The following UNC13C variants were observed in gnomAD, a reference collection of about 807,000 sequenced individuals.
UNC13C encodes the protein protein unc-13 homolog C.
A neutral mutation model predicts 245.4 loss-of-function variants in UNC13C; 174 were observed. That is an observed-to-expected ratio of 0.71 (90% CI 0.63 to 0.80). UNC13C has a LOEUF of 0.80. Ranked by LOEUF, UNC13C falls within the 30% of genes least tolerant of loss-of-function variation. The pLI, the probability that UNC13C is intolerant of heterozygous loss-of-function variation, is 0.00. For synonymous variants in UNC13C, 992 were observed against 895.1 expected, an observed-to-expected ratio of 1.11 and a Z score of -1.93; for missense variants, 2,829 against 2,602.9, an observed-to-expected ratio of 1.09 and a Z score of -1.89.
chr15:54,307,357 C>A (rs1301101974), intron 13 of UNC13C, among the ~76,000 whole-genome samples: 1 of 151,870 alleles, frequency 6.6e-6, no homozygotes, highest in Non-Finnish European at 1.5e-5. Context: ...TTTTATAAGA[C>A]AACTAAAATC....
At chr15:54,142,659 A>C (rs1222747958) in intron 2 of UNC13C, among the ~76,000 whole-genome samples, 2 of 152,206 alleles carry the variant, frequency 1.3e-5, no homozygotes, top group Non-Finnish European at 2.9e-5. Context: ...AGTTGGATCT[A>C]GGCTCTTGAC....
At chr15:53,970,618 G>A in the UNC13C span, among the ~76,000 whole-genome samples, 2 of 152,016 alleles carry the variant, frequency 1.3e-5, no homozygotes, top group East Asian at 3.9e-4. Context: ...TTATAAGTGG[G>A]AGCTGAACGA....
At chr15:54,490,040 A>G (rs1893624549) in intron 19 of UNC13C, among the ~76,000 whole-genome samples, 1 of 152,216 alleles carries the variant, frequency 6.6e-6, no homozygotes, top group Non-Finnish European at 1.5e-5. Flanking sequence ...CACGGAGAAC[A>G]ATAAATATCA....
chr15:54,344,650 C>T (rs1352141025), intron 17 of UNC13C, among the ~76,000 whole-genome samples: 2 of 152,134 alleles, frequency 1.3e-5, no homozygotes, highest in African/African-American at 4.8e-5. Context: ...AGGAATACTT[C>T]ATATGATTAA....
chr15:54,383,644 A>C (rs537915274), intron 17 of UNC13C, among the ~76,000 whole-genome samples: 1 of 152,310 alleles, frequency 6.6e-6, no homozygotes, highest in South Asian at 2.1e-4. Flanking sequence ...ACTCCTATGC[A>C]ACATGGTGCT....
chr15:54,333,707 A>C (rs759788249), intron 15 of UNC13C, 60 bp from the exon 16 acceptor site: 12 of 1,109,060 alleles, frequency 1.1e-5, no homozygotes, highest in Non-Finnish European at 1.6e-5. Context: ...GTTTTAGTTT[A>C]TTTTCCCACT....
At chr15:54,016,046 C>G (rs1895641923) in intron 2 of UNC13C, among the ~76,000 whole-genome samples, 160 bp downstream of exon 2, 1 of 152,150 alleles carries the variant, frequency 6.6e-6, no homozygotes, top group Admixed American at 6.5e-5. Flanking sequence ...AGGCAGCTCT[C>G]CTAAGAAGTT....
chr15:54,203,964 C>T (rs1270988177), intron 4 of UNC13C, among the ~76,000 whole-genome samples: 2 of 150,804 alleles, frequency 1.3e-5, no homozygotes, highest in South Asian at 4.2e-4. Flanking sequence ...GCTACTCAGT[C>T]ATAAAAAGGA....
chr15:53,890,140 C>CTTTT, the UNC13C span, among the ~76,000 whole-genome samples: 8 of 145,268 alleles, frequency 5.5e-5, no homozygotes, highest in Admixed American at 1.4e-4. Flanking sequence ...ACCAGCGCCT[C>CTTTT]TTTTTTTTTT....
chr15:54,568,370 G>T (rs187437391), intron 30 of UNC13C, among the ~76,000 whole-genome samples: 373 of 152,102 alleles, frequency 2.5e-3, no homozygotes, highest in African/African-American at 8.3e-3. Context: ...CCTGTGCTCT[G>T]GGGTTTCCAT....
the UNC13C span, chr15:53,972,808 A>T: frequency 6.6e-6 from 1 of 152,160 alleles, no homozygotes; most frequent in Non-Finnish European, 1.5e-5. Flanking sequence ...AAAGGAAGTC[A>T]TTGTTGTTTT....
At chr15:54,345,052 A>C (rs1030999483) in intron 17 of UNC13C, among the ~76,000 whole-genome samples, 2 of 152,170 alleles carry the variant, frequency 1.3e-5, no homozygotes, top group African/African-American at 2.4e-5. Flanking sequence ...AAAACTCCAC[A>C]TGATCTGGCC....
intron 17 of UNC13C, among the ~76,000 whole-genome samples, chr15:54,344,460 A>T (rs901550665): frequency 2.6e-5 from 4 of 152,226 alleles, no homozygotes; most frequent in African/African-American, 7.2e-5. Context: ...TTTTAGGTAG[A>T]TAGATCTTAG....
intron 11 of UNC13C, among the ~76,000 whole-genome samples, chr15:54,295,839 C>A (rs985843394): frequency 1.2e-4 from 18 of 152,130 alleles, no homozygotes; most frequent in African/African-American, 4.3e-4. Context: ...TCTTTACCTA[C>A]CCACCCTCAG....
intron 29 of UNC13C, among the ~76,000 whole-genome samples, chr15:54,556,735 G>C (rs1280690110): frequency 1.1e-4 from 7 of 66,642 alleles, no homozygotes; most frequent in African/African-American, 5.3e-4. Context: ...CTTTATAAAA[G>C]GACATGCTAG....
chr15:54,568,137 T>C (rs944914908), intron 30 of UNC13C, among the ~76,000 whole-genome samples, 190 bp downstream of exon 30: 1 of 152,092 alleles, frequency 6.6e-6, no homozygotes, highest in Non-Finnish European at 1.5e-5. Flanking sequence ...TTATAAATAA[T>C]TTTAATAACA....
At chr15:54,235,551 A>G (rs2035671487) in intron 5 of UNC13C, among the ~76,000 whole-genome samples, 1 of 152,226 alleles carries the variant, frequency 6.6e-6, no homozygotes, top group African/African-American at 2.4e-5. Context: ...TTATTATATT[A>G]AAGTCAATTC....
chr15:54,388,358 T>A (rs2039881084), intron 17 of UNC13C, among the ~76,000 whole-genome samples: 1 of 152,164 alleles, frequency 6.6e-6, no homozygotes, highest in South Asian at 2.1e-4. Context: ...TGGAGAAAAC[T>A]CATAATAGTC....
chr15:54,392,392 G>T (rs1159175256), intron 17 of UNC13C, among the ~76,000 whole-genome samples: 3 of 151,894 alleles, frequency 2.0e-5, no homozygotes, highest in African/African-American at 4.8e-5. Context: ...AATTGAGAAA[G>T]TTTCAAAGAC....
Sources: gnomAD v4.1 joint callset for allele counts (sites outside exome capture counted in the v4.1 genomes callset) on GRCh38, gnomAD v4.1.1 for gene constraint, MANE v1.5 for transcripts, NCBI Gene and HGNC (gene_info 2026-07-23, HGNC 2026-07-21) for gene names.